NPAS2: variants seen among roughly 807,000 people sequenced by gnomAD.
NPAS2 encodes neuronal PAS domain-containing protein 2.
Under a neutral mutation model 107.5 loss-of-function variants are expected in NPAS2, and 23 were observed. The observed-to-expected ratio is 0.21, with a 90% CI of 0.15 to 0.30. The LOEUF (loss-of-function observed/expected upper bound fraction) is 0.30, where lower values mean the gene tolerates loss of function less well. NPAS2 is among the 10% of genes least tolerant of loss of function. The pLI is 1.00. For missense variants in NPAS2, 756 were observed against 1,043.3 expected (o/e 0.72, Z 3.79); for synonymous variants, 403 against 417.5 (o/e 0.97, Z 0.42).
At chr2:100,865,423 T>C (rs1314244691) in intron 1 of NPAS2, among the ~76,000 whole-genome samples, 2 of 152,114 alleles carry the variant, frequency 1.3e-5, no homozygotes, top group African/African-American at 2.4e-5. Context: ...TTACCTGCTA[T>C]GTGTTCTTAG....
intron 15 of NPAS2, 120 bp from the exon 16 acceptor site, chr2:100,982,111 A>G: frequency 8.1e-7 from 1 of 1,240,168 alleles, no homozygotes; most frequent in South Asian, 1.4e-5. Flanking sequence ...CTCCTTAGGG[A>G]TGCTGGGAAA....
At chr2:100,912,121 TC>T (rs1215041291) in intron 2 of NPAS2, among the ~76,000 whole-genome samples, 1 of 152,220 alleles carries the variant, frequency 6.6e-6, no homozygotes, top group Non-Finnish European at 1.5e-5. Context: ...AAATGTGTGT[TC>T]CTTCTACAAC....
Position 100,968,507 on chromosome 2 carries a change from GC to G in NPAS2, c.1055+81del. ...GTGCAGGATGGCGTGGCCCCTGATG[GC>G]CAAGTCAGATCAGCAGTCACTCAGG... is the stretch of plus-strand genomic sequence containing the variant. On this transcript the variant is annotated intron_variant, in intron 11 of 20. Coordinates refer to ENST00000335681, the MANE Select transcript of NPAS2 (RefSeq NM_002518.4). The surrounding 1 kb of genome is among the most constrained non-coding windows in gnomAD (Gnocchi z 5.3). 7.1e-7 allele frequency: 1 copy of G among 1,406,352 alleles called. No individual in the cohort carries two copies. The highest frequency in any genetic ancestry group is 1.4e-5 in the African/African-American group (1 of 70,338). 87.1% of individuals were successfully genotyped at this position (1,406,352 alleles called of 1,614,324 possible).
At chr2:100,928,989 C>T (rs1573642239) in intron 3 of NPAS2, among the ~76,000 whole-genome samples, 1 of 152,096 alleles carries the variant, frequency 6.6e-6, no homozygotes, top group South Asian at 2.1e-4. Flanking sequence ...CTGCAGCCTC[C>T]ACCTCCCAGG....
At position 100,873,307 on chromosome 2, in the gene NPAS2, T is replaced by TAC. The variant is rs368306404; in HGVS notation, c.-22-31392_-22-31391dup. Among the ~76,000 whole-genome samples the TAC allele has an allele frequency of 8.4e-3, 353 of 41,864 alleles. 4 individuals are homozygous for TAC. The highest frequency in any genetic ancestry group is 0.056 in the Middle Eastern group (2 of 36). 27.5% of individuals were successfully genotyped at this position (41,864 alleles called of 152,430 possible). A position where few individuals can be genotyped will look rare whatever the true frequency, so the allele number is the denominator to read the frequency against. On this transcript the variant is annotated intron_variant, in intron 1 of 20. Coordinates refer to ENST00000335681, the MANE Select transcript of NPAS2 (RefSeq NM_002518.4). ...ATATATATATATATATATATATATATACACACACACACACACACACACACA... is the reference window on the plus strand; with the variant it reads ...ATATATATATATATATATATATATATACACACACACACACACACACACACACA...
At chr2:100,851,928 A>G (rs928514830) in intron 1 of NPAS2, among the ~76,000 whole-genome samples, 3 of 152,212 alleles carry the variant, frequency 2.0e-5, no homozygotes, top group African/African-American at 7.2e-5. Flanking sequence ...AGGAAAAGAA[A>G]GGAAAGCAAT....
intron 1 of NPAS2, among the ~76,000 whole-genome samples, chr2:100,889,453 C>T (rs563147698): frequency 9.2e-5 from 14 of 152,278 alleles, no homozygotes; most frequent in African/African-American, 2.9e-4. Context: ...TTCGAGGAGA[C>T]GACCAGTTTT....
chr2:100,846,534 C>T (rs1248868705), intron 1 of NPAS2, among the ~76,000 whole-genome samples: 1 of 151,892 alleles, frequency 6.6e-6, no homozygotes, highest in Non-Finnish European at 1.5e-5. Flanking sequence ...CCATTGACTA[C>T]CAAGAATAAC....
intron 1 of NPAS2, among the ~76,000 whole-genome samples, chr2:100,872,167 A>T (rs909333039): frequency 1.3e-5 from 2 of 152,182 alleles, no homozygotes; most frequent in African/African-American, 4.8e-5. Flanking sequence ...AGTGTTCACC[A>T]ATATGCTTTC....
intron 2 of NPAS2, among the ~76,000 whole-genome samples, chr2:100,908,330 G>A (rs936319531): frequency 4.6e-5 from 7 of 152,076 alleles, no homozygotes; most frequent in Non-Finnish European, 7.3e-5. Context: ...CCTGCCTGGA[G>A]CATTTTACAT....
At chr2:100,849,335 C>T (rs1469203640) in intron 1 of NPAS2, among the ~76,000 whole-genome samples, 1 of 152,122 alleles carries the variant, frequency 6.6e-6, no homozygotes, top group Non-Finnish European at 1.5e-5. Context: ...AATTGTGACA[C>T]CAATAAATCC....
chr2:100,930,304 G>A (rs1050349746), intron 3 of NPAS2, among the ~76,000 whole-genome samples: 1 of 152,172 alleles, frequency 6.6e-6, no homozygotes, highest in South Asian at 2.1e-4. Context: ...ATTGAACAGG[G>A]TAATATATAC....
chr2:100,948,581 C>T (rs1675039322), intron 6 of NPAS2, among the ~76,000 whole-genome samples: 1 of 151,778 alleles, frequency 6.6e-6, no homozygotes, highest in African/African-American at 2.4e-5. Flanking sequence ...AAGCAGAGAA[C>T]TCAAGAATAA....
intron 3 of NPAS2, among the ~76,000 whole-genome samples, chr2:100,931,207 T>G (rs1683931105): frequency 6.6e-6 from 1 of 152,194 alleles, no homozygotes; most frequent in African/African-American, 2.4e-5. Flanking sequence ...AGGGGCCCTC[T>G]CAGTGTCGTT....
rs568227070 is a variant in NPAS2 at position 100,958,114 on chromosome 2, G to A, written c.599-5944G>A. Among the ~76,000 whole-genome samples, 4 of 152,252 alleles carry A rather than the reference G, an allele frequency of 2.6e-5. No homozygotes were observed. The South Asian group carries it at 8.3e-4, about 32-fold the overall frequency. ...AAAGTTGCTGGTGTGGTTCCAAATA[G>A]GTCACCCTCGGCAAACATTCCACTC... On this transcript the variant is annotated intron_variant, in intron 7 of 20. Coordinates refer to ENST00000335681, the MANE Select transcript of NPAS2 (RefSeq NM_002518.4).
chr2:100,968,494 G>T lies in NPAS2; in HGVS notation c.1055+66G>T, dbSNP rs138492904. On this transcript the variant is annotated intron_variant, in intron 11 of 20. Coordinates refer to ENST00000335681, the MANE Select transcript of NPAS2 (RefSeq NM_002518.4). The surrounding 1 kb of genome is among the most constrained non-coding windows in gnomAD (Gnocchi z 5.3). ...ACCTGGGGGAGGGGTGCAGGATGGC[G>T]TGGCCCCTGATGGCCAAGTCAGATC... 5.9e-6 allele frequency: 9 copies of T among 1,524,146 alleles called. No individual in the cohort carries two copies. The African/African-American group carries it at 8.2e-5, about 14-fold the overall frequency. 94.4% of individuals were successfully genotyped at this position (1,524,146 alleles called of 1,614,324 possible).
intron 4 of NPAS2, among the ~76,000 whole-genome samples, chr2:100,935,487 TG>T (rs1323240284): frequency 6.6e-6 from 1 of 152,232 alleles, no homozygotes; most frequent in Non-Finnish European, 1.5e-5. Context: ...ATGCTACTGA[TG>T]GGACTTCCAG....
intron 1 of NPAS2, among the ~76,000 whole-genome samples, chr2:100,859,555 A>T (rs1023167280): frequency 6.6e-6 from 1 of 152,182 alleles, no homozygotes; most frequent in Non-Finnish European, 1.5e-5. Flanking sequence ...ATGGATTTGA[A>T]CTTAGACCTG....
At chr2:100,830,885 C>A in intron 1 of NPAS2, among the ~76,000 whole-genome samples, 1 of 152,134 alleles carries the variant, frequency 6.6e-6, no homozygotes, top group African/African-American at 2.4e-5. Flanking sequence ...TGCCTGTTGA[C>A]AAAGTGTTGA....
Sources: gnomAD v4.1 joint callset for allele counts (sites outside exome capture counted in the v4.1 genomes callset) on GRCh38, gnomAD v4.1.1 for gene constraint, Gnocchi (gnomAD v3.1) non-coding constraint, MANE v1.5 for transcripts, NCBI Gene and HGNC (gene_info 2026-07-23, HGNC 2026-07-21) for gene names.